Variants in KIAA0586 observed in about 807,000 individuals in gnomAD.
The protein encoded by KIAA0586 is KIAA0586.
Under a neutral mutation model 169.8 loss-of-function variants are expected in KIAA0586, and 144 were observed. That is an observed-to-expected ratio of 0.85 (90% CI 0.74 to 0.97). KIAA0586 has a LOEUF of 0.97. Ranked by LOEUF, KIAA0586 falls within the 50% of genes least tolerant of loss-of-function variation. The pLI is 0.00. For missense variants in KIAA0586, 1,854 were observed against 1,823.0 expected (o/e 1.02, Z -0.31); for synonymous variants, 625 against 612.4 (o/e 1.02, Z -0.30).
At chr14:58,486,750 G>A (rs370739726) in intron 21 of KIAA0586, among the ~76,000 whole-genome samples, 232 of 152,306 alleles carry the variant, frequency 1.5e-3, no homozygotes, top group African/African-American at 5.3e-3. Context: ...TGGTAGGAAC[G>A]TAAATTACTT....
intron 29 of KIAA0586, among the ~76,000 whole-genome samples, chr14:58,538,571 ACAAT>A (rs1260730891): frequency 6.6e-6 from 1 of 152,164 alleles, no homozygotes; most frequent in Non-Finnish European, 1.5e-5. Context: ...TGTGTTACAA[ACAAT>A]CCAATTATAC....
chr14:58,502,285 G>A lies in KIAA0586; in HGVS notation c.4168+3325G>A, dbSNP rs528147704. On this transcript the variant is annotated intron_variant, in intron 27 of 30. Transcript: ENST00000652326. ...TGAGTAGCTGGGACTACAGATGCAC[G>A]CCGCCACCTCGCCTGGCTGATTTTT... Among the ~76,000 whole-genome samples the A allele has an allele frequency of 1.6e-4, 25 of 152,128 alleles. No homozygotes were observed. The South Asian group carries it at 4.2e-3, about 25-fold the overall frequency.
At chr14:58,509,540 A>C (rs1464431140) in intron 28 of KIAA0586, among the ~76,000 whole-genome samples, 4 of 152,186 alleles carry the variant, frequency 2.6e-5, no homozygotes, top group African/African-American at 9.6e-5. Context: ...AATTCGTTCA[A>C]AATTACCCAT....
intron 9 of KIAA0586, among the ~76,000 whole-genome samples, chr14:58,456,228 A>T (rs2039836823): frequency 6.6e-6 from 1 of 152,174 alleles, no homozygotes; most frequent in African/African-American, 2.4e-5. Flanking sequence ...GCAAGTTAAA[A>T]AAATTCCATA....
chr14:58,435,191 C>T (rs760802649), intron 4 of KIAA0586, among the ~76,000 whole-genome samples: 17 of 152,150 alleles, frequency 1.1e-4, no homozygotes, highest in Non-Finnish European at 2.4e-4. Flanking sequence ...CAGTCTCTCT[C>T]CAGAGACAGT....
At chr14:58,439,900 T>G in intron 4 of KIAA0586, 1 of 831,256 alleles carries the variant, frequency 1.2e-6, no homozygotes. Context: ...GTTTTGTCAG[T>G]GGTTCCTTTC....
chr14:58,494,660 C>T (rs1473374915), intron 26 of KIAA0586, among the ~76,000 whole-genome samples: 1 of 152,142 alleles, frequency 6.6e-6, no homozygotes, highest in Non-Finnish European at 1.5e-5. Flanking sequence ...CACTATATGG[C>T]TCTCCTGGTG....
At chr14:58,460,206 C>G (rs1388999223) in intron 13 of KIAA0586, 136 bp downstream of exon 13, 1 of 583,912 alleles carries the variant, frequency 1.7e-6, no homozygotes, top group African/African-American at 1.9e-5. Context: ...TATCTTTACA[C>G]TATTGATACT....
intron 29 of KIAA0586, chr14:58,521,121 G>C: frequency 2.0e-6 from 1 of 487,816 alleles, no homozygotes; most frequent in Non-Finnish European, 3.8e-6. Flanking sequence ...CCCGGGAATA[G>C]GAGTCTCAGA....
At chr14:58,499,024 G>T in intron 27 of KIAA0586, 64 bp downstream of exon 27, 2 of 1,385,334 alleles carry the variant, frequency 1.4e-6, no homozygotes, top group Non-Finnish European at 1.9e-6. Context: ...GTTGAGGAAA[G>T]TATACCTATT....
intron 14 of KIAA0586, chr14:58,464,128 G>A: frequency 2.5e-6 from 1 of 402,296 alleles, no homozygotes; most frequent in Non-Finnish European, 5.0e-6. Context: ...GGAAGAACTG[G>A]AAGGTGAAAA....
At chr14:58,529,101 C>T (rs2045788848) in intron 29 of KIAA0586, among the ~76,000 whole-genome samples, 1 of 152,156 alleles carries the variant, frequency 6.6e-6, no homozygotes, top group Non-Finnish European at 1.5e-5. Flanking sequence ...ACTACAAAAT[C>T]TAGAAGAAAT....
intron 19 of KIAA0586, among the ~76,000 whole-genome samples, chr14:58,476,231 T>G (rs1160763364): frequency 6.6e-6 from 1 of 152,214 alleles, no homozygotes; most frequent in East Asian, 1.9e-4. Flanking sequence ...TACATTTTTT[T>G]CTAAATTTTC....
chr14:58,521,619 C>G, intron 29 of KIAA0586: 1 of 1,051,486 alleles, frequency 9.5e-7, no homozygotes, highest in South Asian at 1.2e-5. Flanking sequence ...CAGCGGGGAT[C>G]TTCCAAGTCT....
At chr14:58,495,406 A>G (rs746763687) in intron 26 of KIAA0586, among the ~76,000 whole-genome samples, 21 of 151,962 alleles carry the variant, frequency 1.4e-4, no homozygotes, top group African/African-American at 3.4e-4. Flanking sequence ...GACTCAAGCA[A>G]TCCTCCCATC....
chr14:58,440,146 G>C (rs1412315737), intron 4 of KIAA0586: 1 of 438,514 alleles, frequency 2.3e-6, no homozygotes. Flanking sequence ...GCCTCCCACA[G>C]TGCTAGGATT....
Position 58,521,839 on chromosome 14 carries a change from G to C in KIAA0586, c.4429+9212G>C, listed in dbSNP as rs192827340. The C allele has an allele frequency of 1.3e-5, 12 of 893,444 alleles. No individual in the cohort carries two copies. In the East Asian group the frequency reaches 2.4e-4, roughly 18 times the overall value. The allele number at this position is 893,444 out of a possible 1,614,324, so 55.3% of individuals were successfully genotyped here. On this transcript the variant is annotated intron_variant, in intron 29 of 30. Transcript: ENST00000652326. ...ACTAATGTGAAGGTGGAGTCGGAGC[G>C]GGGTGCAGATGACTTTGCTGAGGAG...
intron 24 of KIAA0586, among the ~76,000 whole-genome samples, 167 bp from the exon 25 acceptor site, chr14:58,489,997 A>G (rs1271471226): frequency 6.6e-6 from 1 of 152,212 alleles, no homozygotes; most frequent in Non-Finnish European, 1.5e-5. Flanking sequence ...TTGTACTTCA[A>G]AAAAACTGGT....
intron 29 of KIAA0586, among the ~76,000 whole-genome samples, chr14:58,529,125 GAC>G (rs2045790870): frequency 6.6e-6 from 1 of 152,000 alleles, no homozygotes; most frequent in Non-Finnish European, 1.5e-5. Flanking sequence ...TAAATTCCTG[GAC>G]ACATACACCC....
Sources: gnomAD v4.1 joint callset for allele counts (sites outside exome capture counted in the v4.1 genomes callset) on GRCh38, gnomAD v4.1.1 for gene constraint, MANE v1.5 for transcripts, NCBI Gene and HGNC (gene_info 2026-07-23, HGNC 2026-07-21) for gene names.